KIF9: variants seen among roughly 807,000 people sequenced by gnomAD.
KIF9 encodes kinesin-like protein KIF9.
A neutral mutation model predicts 94.8 loss-of-function variants in KIF9; 68 were observed. That is an observed-to-expected ratio of 0.72 (90% CI 0.59 to 0.88). KIF9 has a LOEUF of 0.88. Ranked by LOEUF, KIF9 falls within the 40% of genes least tolerant of loss-of-function variation. The pLI is 0.00. For synonymous variants in KIF9, 343 were observed against 362.1 expected, an observed-to-expected ratio of 0.95 and a Z score of 0.60; for missense variants, 882 against 982.5, an observed-to-expected ratio of 0.90 and a Z score of 1.37.
intron 3 of KIF9, among the ~76,000 whole-genome samples, chr3:47,273,894 G>A (rs921714458): frequency 1.3e-5 from 2 of 152,222 alleles, no homozygotes; most frequent in African/African-American, 4.8e-5. Context: ...ATGCTCTGCT[G>A]TTCCCTCCAC....
At chr3:47,244,988 C>T in intron 14 of KIF9, 64 bp from the exon 15 acceptor site, 3 of 1,594,932 alleles carry the variant, frequency 1.9e-6, no homozygotes, top group Non-Finnish European at 2.6e-6. Context: ...CTTGGGGACC[C>T]ACATGTATAT....
rs1221019911 is a variant in KIF9, at chr3:47,265,774, G to A, written c.872C>T (p.Pro291Leu). The change falls in exon 8 of 21, where the codon CCC (proline) becomes CTC (leucine). Residue 291 changes from proline to leucine, a missense_variant. Coordinates refer to ENST00000684063, the MANE Select transcript of KIF9 (RefSeq NM_182902.4). ...ALGDQKRDHI[P>L]FRQCKLTHAL... ...GTGGGTGAGCTTGCACTGCCGAAAG[G>A]GGATGTGGTCCCGCTTCTGGTCCCC... 3 of 1,614,064 alleles carry A rather than the reference G, an allele frequency of 1.9e-6. No individual in the cohort carries two copies. The Admixed American group carries it at 5.0e-5, about 27-fold the overall frequency.
chr3:47,243,421 T>C, intron 15 of KIF9, 176 bp from the exon 16 acceptor site: 5 of 460,632 alleles, frequency 1.1e-5, no homozygotes, highest in Non-Finnish European at 1.5e-5. Flanking sequence ...CAGGCAGATG[T>C]GGAGGAAGAA....
At chr3:47,266,098 A>C (rs1360839712) in intron 7 of KIF9, 5 of 486,198 alleles carry the variant, frequency 1.0e-5, no homozygotes, top group Non-Finnish European at 1.8e-5. Context: ...ACTCATGTGA[A>C]TACTCATGCG....
rs920978019 is a variant in KIF9 at position 47,278,119 on chromosome 3, T to G, written c.-5-740A>C. ...CAGAGTCTCACCCTGTCACCCAGGT[T>G]GGAGTGCAGTGGTGCTATCATGGCT... On this transcript the variant is annotated intron_variant, in intron 1 of 20. Coordinates refer to ENST00000684063, the MANE Select transcript of KIF9 (RefSeq NM_182902.4). Among the ~76,000 whole-genome samples, 84 of 152,202 alleles carry G rather than the reference T, an allele frequency of 5.5e-4. 1 individual carries two copies. Among genetic ancestry groups the G allele is most frequent in the African/African-American group, 1.9e-3 (79 of 41,508 alleles).
chr3:47,268,926 T>G (rs982769107), intron 5 of KIF9, among the ~76,000 whole-genome samples: 1 of 152,110 alleles, frequency 6.6e-6, no homozygotes, highest in Non-Finnish European at 1.5e-5. Flanking sequence ...AGTACCCTCT[T>G]GCCTTGTCTT....
At chr3:47,255,382 C>T (rs1700505145) in intron 10 of KIF9, among the ~76,000 whole-genome samples, 1 of 152,156 alleles carries the variant, frequency 6.6e-6, no homozygotes, top group South Asian at 2.1e-4. Context: ...TGAGCACTCC[C>T]TCTGATTGGC....
At chr3:47,231,401 C>G (rs1698566845) in intron 20 of KIF9, among the ~76,000 whole-genome samples, 1 of 109,106 alleles carries the variant, frequency 9.2e-6, no homozygotes. Context: ...CCATCAGTAT[C>G]TACTTTTTTT....
Position 47,246,209 on chromosome 3 carries a change from C to T in KIF9, c.1277G>A (p.Arg426Gln), listed in dbSNP as rs757581870. The change falls in exon 13 of 21, where the codon CGG (arginine) becomes CAG (glutamine). Residue 426 changes from arginine to glutamine, a missense_variant. Transcript: ENST00000684063. Reference sequence around the variant, plus strand: ...GGGGGTCTCTCACCTCAGAACCACCCGGAACTGGTTGAACACCTCCTTGAT... The same window carrying T: ...GGGGGTCTCTCACCTCAGAACCACCTGGAACTGGTTGAACACCTCCTTGAT... Reference protein sequence around the residue: ...RQIKEVFNQFRVVLSQQEQEV... With the variant: ...RQIKEVFNQFQVVLSQQEQEV... 5.6e-6 allele frequency: 9 copies of T among 1,613,462 alleles called. No individual in the cohort carries two copies. Among genetic ancestry groups the T allele is most frequent in the Admixed American group, 3.3e-5 (2 of 59,978 alleles).
At chr3:47,260,569 C>T (rs145139237) in intron 9 of KIF9, among the ~76,000 whole-genome samples, 1 of 152,204 alleles carries the variant, frequency 6.6e-6, no homozygotes, top group Non-Finnish European at 1.5e-5. Context: ...AGGCTCTGTT[C>T]TAAGTGTAGA....
intron 8 of KIF9, among the ~76,000 whole-genome samples, chr3:47,265,226 G>A (rs968228584): frequency 2.0e-5 from 3 of 152,206 alleles, no homozygotes; most frequent in African/African-American, 7.2e-5. Context: ...TACAGGGCAG[G>A]GAGGGGCAGG....
intron 4 of KIF9, among the ~76,000 whole-genome samples, chr3:47,272,630 C>A (rs535885361): frequency 1.3e-5 from 2 of 151,666 alleles, no homozygotes; most frequent in African/African-American, 4.8e-5. Context: ...TGATTACATG[C>A]GGAAATATTT....
intron 1 of KIF9, among the ~76,000 whole-genome samples, chr3:47,280,123 A>G (rs1702237119): frequency 6.6e-6 from 1 of 151,844 alleles, no homozygotes; most frequent in Admixed American, 6.6e-5. Context: ...ACACCCGGCT[A>G]ACGTTTTGCA....
At chr3:47,241,322 CTT>C (rs1213773592) in intron 16 of KIF9, among the ~76,000 whole-genome samples, 2 of 144,770 alleles carry the variant, frequency 1.4e-5, no homozygotes, top group African/African-American at 2.5e-5. Context: ...GTATTTCTTT[CTT>C]TTTTTTTTTT....
chr3:47,243,141 TC>T lies in KIF9; in HGVS notation c.1618del (p.Asp540MetfsTer64), dbSNP rs1699689769. On this transcript the variant is annotated frameshift_variant, in exon 16 of 21. Coordinates refer to ENST00000684063, the MANE Select transcript of KIF9 (RefSeq NM_182902.4). LOFTEE classifies it high-confidence loss of function. ...GTCCCGCGAAAGCATGTCTTTGACA[TC>T]CCCATCTTTGGAGGATGGGACCAGC... ...TQLVPSSKDG[D>X]VKDMLSRDRE... 14 of 1,614,016 alleles carry T rather than the reference TC, an allele frequency of 8.7e-6. No homozygotes were observed. Among genetic ancestry groups the T allele is most frequent in the Non-Finnish European group, 1.2e-5 (14 of 1,179,926 alleles).
At chr3:47,277,080 A>G in intron 2 of KIF9, 1 of 399,094 alleles carries the variant, frequency 2.5e-6, no homozygotes, top group Non-Finnish European at 4.5e-6. Context: ...AAAATTATTA[A>G]AAGACAATTA....
chr3:47,247,306 T>C (rs546298858), intron 12 of KIF9, 67 bp downstream of exon 12: 12 of 1,023,284 alleles, frequency 1.2e-5, no homozygotes, highest in South Asian at 7.7e-5. Flanking sequence ...AGAGCATGCG[T>C]TGGGGTGTGC....
chr3:47,271,016 C>G (rs1701614334), intron 5 of KIF9, among the ~76,000 whole-genome samples: 1 of 150,910 alleles, frequency 6.6e-6, no homozygotes, highest in African/African-American at 2.4e-5. Flanking sequence ...TGGTAGCATG[C>G]TCCTGTGGTC....
chr3:47,270,516 A>G (rs1323375229), intron 5 of KIF9, among the ~76,000 whole-genome samples: 5 of 152,060 alleles, frequency 3.3e-5, no homozygotes, highest in Admixed American at 1.3e-4. Context: ...CAGCCTCCCA[A>G]AGTGCTAGGA....
Sources: gnomAD v4.1 joint callset for allele counts (sites outside exome capture counted in the v4.1 genomes callset) on GRCh38, gnomAD v4.1.1 for gene constraint, MANE v1.5 for transcripts, NCBI Gene and HGNC (gene_info 2026-07-23, HGNC 2026-07-21) for gene names.